PTGES3: variants seen among roughly 807,000 people sequenced by gnomAD.
PTGES3 encodes the protein Hsp90 co-chaperone.
In PTGES3, 5 loss-of-function variants were observed where a neutral mutation model predicts 29.9. The ratio of observed to expected loss-of-function variants is 0.17; its 90% confidence interval spans 0.09 to 0.35. The LOEUF is 0.35. PTGES3 is among the 10% of genes least tolerant of loss of function. The probability of loss-of-function intolerance (pLI) is 1.00; values close to 1 mark genes in which losing one functional copy is unlikely to be tolerated. For missense variants in PTGES3, 128 were observed against 190.0 expected (o/e 0.67, Z 1.92); for synonymous variants, 49 against 57.8 (o/e 0.85, Z 0.69).
At chr12:56,665,795 C>G (rs1188693391) in intron 6 of PTGES3, 2 of 679,234 alleles carry the variant, frequency 2.9e-6, no homozygotes, top group African/African-American at 3.9e-5. Flanking sequence ...CACCTGCCAT[C>G]ATGTCTGGCT....
chr12:56,673,484 GGAAAAAAAAAAAAAA>G lies in PTGES3; in HGVS notation c.3-434_3-420del, dbSNP rs1346358548. Among the ~76,000 whole-genome samples, 34 of 36,848 alleles carry G rather than the reference GGAAAAAAAAAAAAAA, an allele frequency of 9.2e-4. 1 individual carries two copies. The highest frequency in any genetic ancestry group is 1.8e-3 in the African/African-American group (29 of 16,098). 24.2% of individuals were successfully genotyped at this position (36,848 alleles called of 152,430 possible). On this transcript the variant is annotated intron_variant, in intron 1 of 7. Transcript: ENST00000262033. ...CCGACTCTACTACAAATACAAATAC[GGAAAAAAAAAAAAAA>G]AAAAAAAAAAAAAGCAGGGTACGGT...
At chr12:56,683,341 C>T (rs183012586) in intron 1 of PTGES3, among the ~76,000 whole-genome samples, 54 of 151,548 alleles carry the variant, frequency 3.6e-4, no homozygotes, top group African/African-American at 1.1e-3. Context: ...GGCATGGTGG[C>T]GCATGCCTGT....
intron 1 of PTGES3, among the ~76,000 whole-genome samples, chr12:56,679,006 ACTGG>A (rs2137678508): frequency 6.6e-6 from 1 of 152,228 alleles, no homozygotes; most frequent in Non-Finnish European, 1.5e-5. Flanking sequence ...GTCCTAGCTA[ACTGG>A]GGGGCACTGA....
chr12:56,672,745 G>T lies in PTGES3; in HGVS notation c.181C>A (p.Pro61Thr). 1.3e-6 allele frequency: 2 copies of T among 1,576,736 alleles called. No homozygotes were observed. Among genetic ancestry groups the T allele is most frequent in the South Asian group, 1.2e-5 (1 of 84,802 alleles). The change falls in exon 3 of 8, where the codon CCA becomes ACA. Residue 61 changes from proline to threonine, a missense_variant. Transcript: ENST00000262033. ...NEIDLFHCID[P>T]NDSKHKRTDR... The stretch of plus-strand genomic sequence containing the variant: ...AAAGCATAAAGACTACTTACATTTG[G>T]ATCAATACAGTGAAAAAGATCAATT...
At chr12:56,675,358 C>T (rs1311905349) in intron 1 of PTGES3, among the ~76,000 whole-genome samples, 2 of 151,422 alleles carry the variant, frequency 1.3e-5, no homozygotes, top group Admixed American at 6.6e-5. Flanking sequence ...TGATCATGTC[C>T]CAGATAAAAC....
At chr12:56,664,681 A>G in intron 7 of PTGES3, 95 bp downstream of exon 7, 1 of 1,473,242 alleles carries the variant, frequency 6.8e-7, no homozygotes, top group African/African-American at 1.4e-5. Context: ...TAAAGAAAAA[A>G]TTACTTTACT....
rs950600731 is a variant in PTGES3, at chr12:56,679,259, A to C, written c.3-6194T>G. ...CCCTGTCTCTACTGAAGATACAAAA[A>C]TTAGTTGGGCATGGTAGCATACCTG... On this transcript the variant is annotated intron_variant, in intron 1 of 7. Coordinates refer to ENST00000262033, the MANE Select transcript of PTGES3 (RefSeq NM_006601.7). Among the ~76,000 whole-genome samples, 9 of 152,220 alleles carry C rather than the reference A, an allele frequency of 5.9e-5. 1 individual carries two copies. In the South Asian group the frequency reaches 1.7e-3, roughly 28 times the overall value.
At chr12:56,675,070 G>A (rs1422742137) in intron 1 of PTGES3, among the ~76,000 whole-genome samples, 1 of 149,600 alleles carries the variant, frequency 6.7e-6, no homozygotes, top group African/African-American at 2.5e-5. Context: ...GGGAGGCAGA[G>A]GCAGGCGGAT....
intron 1 of PTGES3, among the ~76,000 whole-genome samples, chr12:56,681,741 G>T (rs1482498055): frequency 6.6e-6 from 1 of 151,326 alleles, no homozygotes; most frequent in Admixed American, 6.6e-5. Context: ...TGTAATCCCA[G>T]GTACTCAGGG....
chr12:56,675,296 T>C (rs1024975881), intron 1 of PTGES3, among the ~76,000 whole-genome samples: 1 of 149,360 alleles, frequency 6.7e-6, no homozygotes, highest in African/African-American at 2.5e-5. Flanking sequence ...CAAGACTCTG[T>C]CTCAAAAAAG....
chr12:56,672,047 T>C (rs895275708), intron 3 of PTGES3, among the ~76,000 whole-genome samples, 200 bp from the exon 4 acceptor site: 9 of 152,182 alleles, frequency 5.9e-5, no homozygotes, highest in Admixed American at 2.0e-4. Context: ...AATTTTTTTT[T>C]CCCTTCTATT....
At chr12:56,670,617 T>C (rs1951965477) in intron 4 of PTGES3, 2 of 397,708 alleles carry the variant, frequency 5.0e-6, no homozygotes, top group Non-Finnish European at 9.3e-6. Context: ...GACAACACCG[T>C]ACTGATGTTA....
intron 1 of PTGES3, among the ~76,000 whole-genome samples, chr12:56,680,404 G>T (rs1952477458): frequency 1.3e-5 from 2 of 150,928 alleles, no homozygotes; most frequent in Non-Finnish European, 3.0e-5. Flanking sequence ...TTTTTTGGGG[G>T]GACAGAGTTT....
At chr12:56,666,950 T>C (rs1276090832) in intron 5 of PTGES3, among the ~76,000 whole-genome samples, 1 of 149,780 alleles carries the variant, frequency 6.7e-6, no homozygotes, top group African/African-American at 2.5e-5. Flanking sequence ...GATGGAGTCT[T>C]GCTCTGTTGC....
intron 1 of PTGES3, chr12:56,686,848 A>C (rs1952887412): frequency 2.5e-6 from 1 of 396,142 alleles, no homozygotes. Flanking sequence ...TCATGACTTG[A>C]ATCAAGCAAA....
intron 1 of PTGES3, among the ~76,000 whole-genome samples, chr12:56,685,148 TATC>T (rs1166616844): frequency 2.0e-5 from 3 of 152,078 alleles, no homozygotes; most frequent in Non-Finnish European, 2.9e-5. Context: ...AATAAACCCT[TATC>T]AGCCAGATTC....
intron 1 of PTGES3, among the ~76,000 whole-genome samples, chr12:56,682,457 G>C (rs987905749): frequency 5.9e-5 from 9 of 151,900 alleles, no homozygotes; most frequent in Non-Finnish European, 1.0e-4. Flanking sequence ...AACTACTGGG[G>C]GACCAAGGCA....
At chr12:56,685,013 C>T (rs1355533498) in intron 1 of PTGES3, among the ~76,000 whole-genome samples, 3 of 152,016 alleles carry the variant, frequency 2.0e-5, no homozygotes, top group Non-Finnish European at 4.4e-5. Flanking sequence ...CCCAGCTACT[C>T]GGGAGACTGA....
chr12:56,670,802 A>T (rs2137614418), intron 4 of PTGES3: 1 of 172,210 alleles, frequency 5.8e-6, no homozygotes, highest in East Asian at 1.5e-4. Context: ...TGTAATTAGC[A>T]CACAAAGAAT....
Sources: gnomAD v4.1 joint callset for allele counts (sites outside exome capture counted in the v4.1 genomes callset) on GRCh38, gnomAD v4.1.1 for gene constraint, MANE v1.5 for transcripts, NCBI Gene and HGNC (gene_info 2026-07-23, HGNC 2026-07-21) for gene names.